The following PTPRD variants were observed in gnomAD, a reference collection of about 807,000 sequenced individuals.
PTPRD encodes receptor-type tyrosine-protein phosphatase delta.
A neutral mutation model predicts 214.5 loss-of-function variants in PTPRD; 34 were observed. The observed-to-expected ratio is 0.16, with a 90% CI of 0.12 to 0.21. The LOEUF is 0.21. PTPRD is among the 10% of genes least tolerant of loss of function. The pLI is 1.00. For synonymous variants in PTPRD, 1,128 were observed against 845.7 expected (o/e 1.33, Z -5.79); for missense variants, 2,545 against 2,398.7 (o/e 1.06, Z -1.27).
intron 22 of PTPRD, among the ~76,000 whole-genome samples, chr9:8,507,090 G>A (rs1486103594): frequency 6.6e-6 from 1 of 151,992 alleles, no homozygotes; most frequent in Non-Finnish European, 1.5e-5. Context: ...TTTCCCCAAA[G>A]CCTCCAAATA....
chr9:8,972,679 T>C lies in PTPRD; in HGVS notation c.-104+46018A>G, dbSNP rs1291564562. Among the ~76,000 whole-genome samples, 3 of 151,960 alleles carry C rather than the reference T, an allele frequency of 2.0e-5. No individual in the cohort carries two copies. In the East Asian group the frequency reaches 5.8e-4, roughly 29 times the overall value. ...CACTTCACGGATGCAAAGGATTTCC[T>C]TTTTCAGTAAGAAAACTGAAAACCA... On this transcript the variant is annotated intron_variant, in intron 11 of 45. Transcript: ENST00000381196.
intron 9 of PTPRD, among the ~76,000 whole-genome samples, chr9:9,224,248 G>A (rs1352317706): frequency 1.3e-5 from 2 of 151,988 alleles, no homozygotes; most frequent in Non-Finnish European, 2.9e-5. Context: ...CTGCTTTAGT[G>A]AAGTTTATTT....
intron 11 of PTPRD, among the ~76,000 whole-genome samples, chr9:8,935,564 A>C (rs1471875864): frequency 6.6e-6 from 1 of 152,164 alleles, no homozygotes; most frequent in Non-Finnish European, 1.5e-5. Context: ...CATACTAAAT[A>C]GATCCCGAGG....
chr9:8,718,463 G>C (rs1045786813), intron 12 of PTPRD, among the ~76,000 whole-genome samples: 1 of 152,146 alleles, frequency 6.6e-6, no homozygotes, highest in African/African-American at 2.4e-5. Context: ...CTTTTCTGAT[G>C]TAGTTTGGAT....
At chr9:10,562,644 ATATT>A (rs1221308011) in intron 2 of PTPRD, among the ~76,000 whole-genome samples, 3 of 152,122 alleles carry the variant, frequency 2.0e-5, no homozygotes. Flanking sequence ...TATTTTCCAT[ATATT>A]TATAGAAAAC....
chr9:8,575,648 A>C (rs1317084286), intron 14 of PTPRD, among the ~76,000 whole-genome samples: 1 of 152,166 alleles, frequency 6.6e-6, no homozygotes, highest in Non-Finnish European at 1.5e-5. Context: ...TAAGTCCATA[A>C]ATTTTCCATT....
intron 9 of PTPRD, among the ~76,000 whole-genome samples, chr9:9,194,147 TTC>T (rs2099936866): frequency 6.6e-6 from 1 of 152,138 alleles, no homozygotes; most frequent in Non-Finnish European, 1.5e-5. Flanking sequence ...TATCACTGTC[TTC>T]CACCTCCACA....
Position 9,826,538 on chromosome 9 carries a change from C to G in PTPRD, c.-367-59687G>C, listed in dbSNP as rs542489083. ...AAAGTAATTTATCAAAAAATAGAGA[C>G]TTTCAGTTCCTCAAATAGCCATTAT... On this transcript the variant is annotated intron_variant, in intron 5 of 45. Transcript: ENST00000381196. 3.3e-5 allele frequency among the ~76,000 whole-genome samples: 5 copies of G among 151,850 alleles called. No individual in the cohort carries two copies. The South Asian group carries it at 8.3e-4, about 25-fold the overall frequency.
At chr9:9,454,112 T>C (rs1569568469) in intron 8 of PTPRD, among the ~76,000 whole-genome samples, 1 of 151,738 alleles carries the variant, frequency 6.6e-6, no homozygotes, top group African/African-American at 2.4e-5. Flanking sequence ...GTTTACTATG[T>C]AAAATGAGAA....
chr9:10,277,582 C>A (rs199731619), intron 3 of PTPRD, among the ~76,000 whole-genome samples: 1 of 151,770 alleles, frequency 6.6e-6, no homozygotes, highest in Non-Finnish European at 1.5e-5. Context: ...ATAGAAAATT[C>A]AATAAATACT....
At chr9:9,573,085 C>G (rs1447776676) in intron 8 of PTPRD, among the ~76,000 whole-genome samples, 1 of 151,628 alleles carries the variant, frequency 6.6e-6, no homozygotes, top group Non-Finnish European at 1.5e-5. Flanking sequence ...AAGCCAAAGT[C>G]TGGAAGCTAC....
chr9:8,355,270 C>G (rs1287564319), intron 39 of PTPRD, among the ~76,000 whole-genome samples: 1 of 152,140 alleles, frequency 6.6e-6, no homozygotes, highest in African/African-American at 2.4e-5. Context: ...CTGGGGCCCT[C>G]AACAGAAGCA....
chr9:9,995,380 G>C (rs539735895), intron 4 of PTPRD, among the ~76,000 whole-genome samples: 18 of 152,266 alleles, frequency 1.2e-4, no homozygotes, highest in Middle Eastern at 6.8e-3. Flanking sequence ...AAATTACAAA[G>C]TTTATAGCTT....
At chr9:10,296,628 T>C (rs985855094) in intron 3 of PTPRD, among the ~76,000 whole-genome samples, 1 of 152,034 alleles carries the variant, frequency 6.6e-6, no homozygotes, top group Non-Finnish European at 1.5e-5. Context: ...TCATTGGCTG[T>C]CTGTGCAGTG....
intron 2 of PTPRD, among the ~76,000 whole-genome samples, chr9:10,571,149 G>A (rs74723421): frequency 0.022 from 3,341 of 152,054 alleles, 86 homozygotes; most frequent in East Asian, 0.099. Context: ...ATATAAACTA[G>A]TTAAAATATA....
At chr9:10,063,364 A>T (rs1295871349) in intron 3 of PTPRD, among the ~76,000 whole-genome samples, 1 of 152,062 alleles carries the variant, frequency 6.6e-6, no homozygotes, top group East Asian at 1.9e-4. Flanking sequence ...GTCAATATCA[A>T]ATTGGGTTCA....
chr9:9,716,188 AT>A (rs1040300118), intron 7 of PTPRD, among the ~76,000 whole-genome samples: 42 of 152,114 alleles, frequency 2.8e-4, no homozygotes, highest in African/African-American at 9.7e-4. Flanking sequence ...TGAACTCATC[AT>A]TTTTTATGGC....
chr9:8,953,700 C>G (rs780934214), intron 11 of PTPRD, among the ~76,000 whole-genome samples: 9 of 152,010 alleles, frequency 5.9e-5, no homozygotes, highest in African/African-American at 7.2e-5. Flanking sequence ...TATGAACAGA[C>G]ACTTCTTAAC....
chr9:9,853,119 T>C (rs2060858276), intron 5 of PTPRD, among the ~76,000 whole-genome samples: 1 of 152,204 alleles, frequency 6.6e-6, no homozygotes, highest in African/African-American at 2.4e-5. Context: ...AGACCTCTAG[T>C]CTCGGCAGAA....
Sources: allele counts gnomAD v4.1 joint callset (sites outside exome capture counted in the v4.1 genomes callset), GRCh38; gene constraint gnomAD v4.1.1; transcripts MANE v1.5; gene names NCBI Gene and HGNC (gene_info 2026-07-23, HGNC 2026-07-21).